The following CSMD1 variants were observed in gnomAD, a reference collection of about 807,000 sequenced individuals.
The protein encoded by CSMD1 is CUB and sushi domain-containing protein 1.
Under a neutral mutation model 417.5 loss-of-function variants are expected in CSMD1, and 213 were observed. That is an observed-to-expected ratio of 0.51 (90% CI 0.46 to 0.57). CSMD1 has a LOEUF of 0.57. Ranked by LOEUF, CSMD1 falls within the 20% of genes least tolerant of loss-of-function variation. The pLI, the probability that CSMD1 is intolerant of heterozygous loss-of-function variation, is 0.00. For missense variants in CSMD1, 6,923 were observed against 4,529.7 expected, an observed-to-expected ratio of 1.53 and a Z score of -15.17; for synonymous variants, 2,862 against 1,736.8, an observed-to-expected ratio of 1.65 and a Z score of -16.11.
At chr8:4,348,021 A>C (rs969138852) in intron 3 of CSMD1, among the ~76,000 whole-genome samples, 2 of 152,166 alleles carry the variant, frequency 1.3e-5, no homozygotes, top group African/African-American at 4.8e-5. Context: ...ATATGCATAA[A>C]GAGGAAAAAA....
In CSMD1 at chr8:3,037,636, C is replaced by T. The variant is rs75221073; in HGVS notation, c.7661-8123G>A. Among the ~76,000 whole-genome samples the T allele has an allele frequency of 9.3e-3, 1,417 of 152,106 alleles. 14 individuals are homozygous for T. The highest frequency in any genetic ancestry group is 0.033 in the African/African-American group (1,365 of 41,448). On this transcript the variant is annotated intron_variant, in intron 50 of 69. Coordinates refer to ENST00000635120, the MANE Select transcript of CSMD1 (RefSeq NM_033225.6). ...CCCGTAGTAGGGCTGCTGGAGCGGACGGTAAGAGGATATGGGATTCTTAAG... is the reference window on the plus strand; with the variant it reads ...CCCGTAGTAGGGCTGCTGGAGCGGATGGTAAGAGGATATGGGATTCTTAAG...
intron 2 of CSMD1, among the ~76,000 whole-genome samples, chr8:4,513,236 C>T (rs1350695262): frequency 1.3e-5 from 2 of 152,022 alleles, no homozygotes; most frequent in Non-Finnish European, 2.9e-5. Flanking sequence ...AAAGGAGATC[C>T]TGTATGTGTG....
At chr8:3,939,195 C>G (rs1451315855) in intron 5 of CSMD1, among the ~76,000 whole-genome samples, 1 of 152,000 alleles carries the variant, frequency 6.6e-6, no homozygotes, top group Non-Finnish European at 1.5e-5. Context: ...TATAAGAGAA[C>G]CCAACACAAA....
At chr8:4,070,915 T>G in intron 3 of CSMD1, among the ~76,000 whole-genome samples, 1 of 152,222 alleles carries the variant, frequency 6.6e-6, no homozygotes, top group Admixed American at 6.5e-5. Context: ...ACTTTAATGA[T>G]GTTGTTTTCT....
chr8:3,767,757 T>C (rs1171410198), intron 5 of CSMD1, among the ~76,000 whole-genome samples: 1 of 152,180 alleles, frequency 6.6e-6, no homozygotes, highest in Non-Finnish European at 1.5e-5. Flanking sequence ...TGATAAAACA[T>C]TAATGACACT....
At chr8:3,496,813 G>C (rs1796383699) in intron 10 of CSMD1, among the ~76,000 whole-genome samples, 1 of 152,142 alleles carries the variant, frequency 6.6e-6, no homozygotes, top group Non-Finnish European at 1.5e-5. Flanking sequence ...CTGGGCAACA[G>C]AGTGAGACTC....
intron 5 of CSMD1, among the ~76,000 whole-genome samples, chr8:3,813,433 T>C (rs1335016998): frequency 6.6e-6 from 1 of 152,152 alleles, no homozygotes; most frequent in Non-Finnish European, 1.5e-5. Flanking sequence ...AAGAACTATT[T>C]TAATTAAGTC....
At position 3,108,511 on chromosome 8, in the gene CSMD1, A is replaced by C. The variant is rs888890088; in HGVS notation, c.6754+92T>G. On this transcript the variant is annotated intron_variant, in intron 44 of 69. Transcript: ENST00000635120. ...CATACACGCCCTCGGCTGAATCAAG[A>C]AACTTCAGCTGGAAACAAGGCGTGG... 6 of 1,350,658 alleles carry C rather than the reference A, an allele frequency of 4.4e-6. No homozygotes were observed. The African/African-American group carries it at 8.7e-5, about 20-fold the overall frequency. The allele number at this position is 1,350,658 out of a possible 1,614,324, so 83.7% of individuals were successfully genotyped here. A position where few individuals can be genotyped will look rare whatever the true frequency, so the allele number is the denominator to read the frequency against.
chr8:3,488,758 AG>A (rs1159805933), intron 11 of CSMD1, among the ~76,000 whole-genome samples: 2 of 152,190 alleles, frequency 1.3e-5, no homozygotes, highest in African/African-American at 4.8e-5. Context: ...AGTCAAGAAC[AG>A]GGTTCAAACA....
rs1563318555 is a variant in CSMD1 at position 3,729,951 on chromosome 8, A to G, written c.932-21460T>C. Among the ~76,000 whole-genome samples the G allele has an allele frequency of 5.7e-3, 79 of 13,886 alleles. 18 individuals are homozygous for G. The highest frequency in any genetic ancestry group is 0.017 in the Non-Finnish European group (52 of 3,070). 9.1% of individuals were successfully genotyped at this position (13,886 alleles called of 152,430 possible). On this transcript the variant is annotated intron_variant, in intron 6 of 69. Transcript: ENST00000635120. Reference sequence around the variant, plus strand: ...AAAAAAAAAAAAAAAAAAAAAAAAAAAAAAAAAAAACAAAAACAGAAGAAC... The same window carrying G: ...AAAAAAAAAAAAAAAAAAAAAAAAAGAAAAAAAAAACAAAAACAGAAGAAC...
chr8:4,697,484 A>AGACCTAGGTTGATACATCAAAGGAT, intron 1 of CSMD1, among the ~76,000 whole-genome samples: 1 of 152,316 alleles, frequency 6.6e-6, no homozygotes, highest in East Asian at 1.9e-4. Flanking sequence ...TATTAGGTAT[A>AGACCTAGGTTGATACATCAAAGGAT]ACATATTCCT....
At chr8:4,882,837 T>C (rs1803497781) in intron 1 of CSMD1, among the ~76,000 whole-genome samples, 1 of 152,068 alleles carries the variant, frequency 6.6e-6, no homozygotes, top group South Asian at 2.1e-4. Context: ...TACTTTCCTT[T>C]GACTTGAATA....
chr8:3,236,730 T>G (rs1799175743), intron 26 of CSMD1, among the ~76,000 whole-genome samples: 1 of 152,218 alleles, frequency 6.6e-6, no homozygotes, highest in African/African-American at 2.4e-5. Flanking sequence ...CACTCATTTT[T>G]CTCTTAAATA....
chr8:3,241,440 G>A (rs1191553040), intron 26 of CSMD1, among the ~76,000 whole-genome samples: 3 of 152,132 alleles, frequency 2.0e-5, no homozygotes, highest in Non-Finnish European at 4.4e-5. Flanking sequence ...CATCTGTGTT[G>A]GTCTACAGGG....
intron 5 of CSMD1, among the ~76,000 whole-genome samples, chr8:3,774,764 G>A (rs112161083): frequency 1.9e-3 from 286 of 152,212 alleles, no homozygotes; most frequent in African/African-American, 6.6e-3. Flanking sequence ...ATTCTAATGA[G>A]TACAATATGG....
In CSMD1 at chr8:2,961,185, C is replaced by T. The variant is rs747642187; in HGVS notation, c.9658G>A (p.Gly3220Ser). ...DPAHNTCPDP[G>S]TPHFGIQNSS... ...TTCTGTATTCCAAAGTGTGGCGTAC[C>T]AGGGTCTGGGCAGGTGTTATGAGCA... is the stretch of plus-strand genomic sequence containing the variant. The change falls in exon 62 of 70, where the codon GGT (glycine) becomes AGT (serine). Residue 3220 changes from glycine to serine, a missense_variant. Gly to Ser is a moderately conservative substitution (Grantham distance 56). Transcript: ENST00000635120. 1.9e-6 allele frequency: 3 copies of T among 1,601,710 alleles called. No individual in the cohort carries two copies. Among genetic ancestry groups the T allele is most frequent in the Non-Finnish European group, 2.6e-6 (3 of 1,172,186 alleles).
rs992748912 is a variant in CSMD1, at chr8:4,655,344, G to C, written c.86-17786C>G. Among the ~76,000 whole-genome samples the C allele has an allele frequency of 4.6e-5, 7 of 152,020 alleles. 2 individuals are homozygous for C. The highest frequency in any genetic ancestry group is 2.6e-4 in the Admixed American group (4 of 15,278). On this transcript the variant is annotated intron_variant, in intron 1 of 69. Transcript: ENST00000635120. ...AATGGCCACTGGTTGCAATCGACCT[G>C]CTGAAGGTTTGAAAGTGGCTTCCAG...
chr8:3,538,831 C>T (rs553863018), intron 10 of CSMD1, among the ~76,000 whole-genome samples: 83 of 152,300 alleles, frequency 5.4e-4, no homozygotes, highest in African/African-American at 1.8e-3. Flanking sequence ...TGTCTCCTCT[C>T]ACCTGGAGTG....
intron 5 of CSMD1, among the ~76,000 whole-genome samples, chr8:3,989,922 GAA>G (rs368200556): frequency 4.6e-5 from 7 of 152,138 alleles, no homozygotes; most frequent in Admixed American, 1.3e-4. Context: ...ACTTTCATAA[GAA>G]AGAGAAAAAT....
Sources: gnomAD v4.1 joint callset for allele counts (sites outside exome capture counted in the v4.1 genomes callset) on GRCh38, gnomAD v4.1.1 for gene constraint, MANE v1.5 for transcripts, NCBI Gene and HGNC (gene_info 2026-07-23, HGNC 2026-07-21) for gene names.